RBMX: variants seen among roughly 807,000 people sequenced by gnomAD.
RBMX encodes the protein RNA-binding motif protein, X chromosome.
A neutral mutation model predicts 29.3 loss-of-function variants in RBMX; 1 was observed. The observed-to-expected ratio is 0.03, with a 90% CI of 0.01 to 0.16. The LOEUF (loss-of-function observed/expected upper bound fraction) is 0.16. Among genes scored for constraint, RBMX ranks in the 10% least tolerant of loss-of-function variants. The probability of loss-of-function intolerance (pLI) is 1.00; values close to 1 mark genes in which losing one functional copy is unlikely to be tolerated. For synonymous variants in RBMX, 102 were observed against 102.3 expected, an observed-to-expected ratio of 1.00 and a Z score of 0.02; for missense variants, 121 against 333.2, an observed-to-expected ratio of 0.36 and a Z score of 4.96.
chrX:136,876,090 G>A (rs2077724841), intron 5 of RBMX, among the ~76,000 whole-genome samples: 1 of 103,969 alleles, frequency 9.6e-6, no homozygotes. Context: ...GTGAGCCACC[G>A]CACCCAGACT....
At chrX:136,879,170 G>T (rs772177194) in intron 2 of RBMX, 47 bp from the exon 3 acceptor site, 4 of 1,209,194 alleles carry the variant, frequency 3.3e-6, no homozygotes, top group Non-Finnish European at 4.5e-6. Context: ...TAGGTCAAAT[G>T]AAATAACCAA....
At position 136,874,067 on chromosome X, in the gene RBMX, T is replaced by C. The variant is rs1220856186; in HGVS notation, c.*75A>G. The stretch of plus-strand genomic sequence containing the variant: ...CACAATTTTTCCTTTTAGTAGTCCT[T>C]GGGTAGTTATGATAGAATAGTTTCC... On this transcript the variant is annotated 3_prime_UTR_variant, in exon 9 of 9. Transcript: ENST00000320676. The C allele has an allele frequency of 7.9e-6, 9 of 1,141,844 alleles. No individual in the cohort carries two copies. The South Asian group carries it at 1.5e-4, about 19-fold the overall frequency. 94.1% of individuals were successfully genotyped at this position (1,141,844 alleles called of 1,213,427 possible). A position where few individuals can be genotyped will look rare whatever the true frequency, so the allele number is the denominator to read the frequency against.
Position 136,879,374 on chromosome X carries a change from T to C in RBMX, c.54A>G (p.Glu18=). 3.3e-6 allele frequency: 4 copies of C among 1,211,789 alleles called. No homozygotes were observed. Among genetic ancestry groups the C allele is most frequent in the Non-Finnish European group, 4.5e-6 (4 of 895,567 alleles). ...GKLFIGGLNT[E]TNEKALEAVF... ...CTGCTTCAAGAGCTTTCTCATTTGT[T>C]TCCGTATTAAGCCCACCAATGAAGA... The change falls in exon 2 of 9, where the codon GAA becomes GAG. Residue 18 remains glutamate, a synonymous_variant. Transcript: ENST00000320676.
At chrX:136,870,161 AACC>A (rs1218260481), downstream of RBMX, 1 of 112,744 alleles carries the variant, frequency 8.9e-6, no homozygotes, top group Non-Finnish European at 1.9e-5. Flanking sequence ...CTATGTGAAG[AACC>A]ACAAGAACTT....
chrX:136,872,564 C>A, downstream of RBMX: 2 of 405,861 alleles, frequency 4.9e-6, no homozygotes, highest in Non-Finnish European at 8.6e-6. Flanking sequence ...TATGGATTGT[C>A]ATTCTGTTCC....
At position 136,879,352 on chromosome X, in the gene RBMX, C is replaced by T. The variant is rs749296412; in HGVS notation, c.76G>A (p.Ala26Thr). 16 of 1,209,537 alleles carry T rather than the reference C, an allele frequency of 1.3e-5. No individual in the cohort carries two copies. In the South Asian group the frequency reaches 1.8e-4, roughly 13 times the overall value. The change falls in exon 2 of 9, where the codon GCA (alanine) becomes ACA (threonine). Residue 26 changes from alanine (A) to threonine (T), a missense_variant. Physicochemically the swap from Ala to Thr is moderately conservative, Grantham distance 58 (BLOSUM62 0). This residue lies in a region of RBMX where 7 missense variants were observed against 73.3 expected (regional missense o/e 0.10). Transcript: ENST00000320676. Reference protein sequence around the residue: ...NTETNEKALEAVFGKYGRIVE... With the variant: ...NTETNEKALETVFGKYGRIVE... The stretch of plus-strand genomic sequence containing the variant: ...ATTCGTCCATATTTGCCAAATACTG[C>T]TTCAAGAGCTTTCTCATTTGTTTCC...
At chrX:136,872,243 A>G (rs1320119874), downstream of RBMX, 1 of 1,088,549 alleles carries the variant, frequency 9.2e-7, no homozygotes, top group South Asian at 2.0e-5. Flanking sequence ...TTAAACCTTC[A>G]AAGGCCATTG....
chrX:136,877,328 A>AAC (rs1556343940), intron 4 of RBMX, among the ~76,000 whole-genome samples: 14 of 25,318 alleles, frequency 5.5e-4, no homozygotes, highest in African/African-American at 6.3e-4. Flanking sequence ...GCTAAACTCT[A>AAC]CCCCCCCCCC....
At chrX:136,872,365 G>C, downstream of RBMX, 2 of 1,150,955 alleles carry the variant, frequency 1.7e-6, no homozygotes, top group Non-Finnish European at 2.3e-6. Flanking sequence ...TTAAATAAAT[G>C]AAAACTAGTT....
Position 136,878,038 on chromosome X carries a change from A to G in RBMX, c.265T>C (p.Phe89Leu). 8.3e-7 allele frequency: 1 copy of G among 1,207,308 alleles called. No individual in the cohort carries two copies. Among genetic ancestry groups the G allele is most frequent in the Admixed American group, 2.2e-5 (1 of 45,610 alleles). ...IKVEQATKPS[F>L]ESGRRGPPPP... is the part of the protein sequence containing the mutation. ...GGCGGTCCACGTCTACCACTTTCAA[A>G]TGATGGTTTGGTGGCTTGTTCCACC... is the stretch of plus-strand genomic sequence containing the variant. The change falls in exon 4 of 9, where the codon TTT becomes CTT. Residue 89 changes from phenylalanine (F) to leucine (L), a missense_variant. This residue lies in a region of RBMX where 7 missense variants were observed against 73.3 expected (regional missense o/e 0.10). Coordinates refer to ENST00000320676, the MANE Select transcript of RBMX (RefSeq NM_002139.4).
intron 8 of RBMX, chrX:136,874,655 A>G: frequency 4.0e-6 from 2 of 494,919 alleles, no homozygotes; most frequent in Non-Finnish European, 6.5e-6. Context: ...TGTTTGTTTG[A>G]AAAGACTGAA....
downstream of RBMX, among the ~76,000 whole-genome samples, chrX:136,871,427 G>C (rs1342848904): frequency 1.2e-5 from 1 of 84,863 alleles, no homozygotes; most frequent in African/African-American, 4.4e-5. Flanking sequence ...CTGGGCAACA[G>C]AGCAAGACTC....
chrX:136,878,147 T>C, intron 3 of RBMX, 61 bp from the exon 4 acceptor site: 5 of 994,396 alleles, frequency 5.0e-6, no homozygotes, highest in Non-Finnish European at 6.8e-6. Context: ...ACATCTACTA[T>C]GCACTAAGAC....
intron 3 of RBMX, among the ~76,000 whole-genome samples, chrX:136,878,724 T>A: frequency 1.5e-5 from 1 of 68,096 alleles, no homozygotes; most frequent in Non-Finnish European, 2.5e-5. Flanking sequence ...CACTCCAGGC[T>A]AGGCAACGGA....
At chrX:136,870,477 C>T (rs993888942), downstream of RBMX, 2 of 112,960 alleles carry the variant, frequency 1.8e-5, no homozygotes, top group Non-Finnish European at 3.7e-5. Flanking sequence ...TAAAGTACTT[C>T]CCCCCAAACT....
intron 1 of RBMX, among the ~76,000 whole-genome samples, 198 bp from the exon 2 acceptor site, chrX:136,879,651 A>C (rs1281413366): frequency 8.9e-6 from 1 of 112,044 alleles, no homozygotes. Context: ...AATTTACATA[A>C]AACTGGTTAA....
chrX:136,877,389 G>A (rs1305437550), intron 4 of RBMX, among the ~76,000 whole-genome samples: 1 of 93,033 alleles, frequency 1.1e-5, no homozygotes, highest in African/African-American at 4.0e-5. Context: ...ACTTGTACTT[G>A]ATGGAGCATG....
Position 136,877,822 on chromosome X carries a change from C to G in RBMX, c.388+93G>C, listed in dbSNP as rs1373514905. The G allele has an allele frequency of 1.6e-5, 15 of 915,689 alleles. No individual in the cohort carries two copies. In the East Asian group the frequency reaches 4.2e-4, roughly 26 times the overall value. 75.5% of individuals were successfully genotyped at this position (915,689 alleles called of 1,213,427 possible). On this transcript the variant is annotated intron_variant, in intron 4 of 8. Coordinates refer to ENST00000320676, the MANE Select transcript of RBMX (RefSeq NM_002139.4). Reference sequence around the variant, plus strand: ...GTGTTGTCAATTTCAAAAGTTGGCACCTTTCCTCAAGGACTTAACCAAAGC... The same window carrying G: ...GTGTTGTCAATTTCAAAAGTTGGCAGCTTTCCTCAAGGACTTAACCAAAGC...
At chrX:136,875,610 A>G in intron 5 of RBMX, 25 bp from the exon 6 acceptor site, 12 of 1,192,578 alleles carry the variant, frequency 1.0e-5, no homozygotes, top group Non-Finnish European at 1.2e-5. Flanking sequence ...TCATTTTTTT[A>G]AACATAGCCA....
Sources: allele counts gnomAD v4.1 joint callset (sites outside exome capture counted in the v4.1 genomes callset), GRCh38; gene constraint gnomAD v4.1.1; regional missense constraint gnomAD v4.1.1; transcripts MANE v1.5; gene names NCBI Gene and HGNC (gene_info 2026-07-23, HGNC 2026-07-21).